The following PTBP2 variants were observed in gnomAD, a reference collection of about 807,000 sequenced individuals.
The protein encoded by PTBP2 is polypyrimidine tract binding protein 2, also known as polypyrimidine tract-binding protein 2.
Under a neutral mutation model 61.4 loss-of-function variants are expected in PTBP2, and 13 were observed. The observed-to-expected ratio is 0.21, with a 90% confidence interval of 0.14 to 0.34. The LOEUF (loss-of-function observed/expected upper bound fraction) is 0.34. Ranked by LOEUF, PTBP2 falls within the 10% of genes least tolerant of loss-of-function variation. The pLI is 1.00. For synonymous variants in PTBP2, 215 were observed against 218.5 expected, an observed-to-expected ratio of 0.98 and a Z score of 0.14; for missense variants, 405 against 642.6, an observed-to-expected ratio of 0.63 and a Z score of 4.00.
At chr1:96,740,676 A>G (rs183873809) in intron 2 of PTBP2, among the ~76,000 whole-genome samples, 176 of 152,178 alleles carry the variant, frequency 1.2e-3, no homozygotes, top group Middle Eastern at 3.4e-3. Flanking sequence ...ATGTATTTTT[A>G]TCTTAAGCAA....
intron 5 of PTBP2, among the ~76,000 whole-genome samples, chr1:96,775,304 A>C (rs1657907617): frequency 6.6e-6 from 1 of 152,226 alleles, no homozygotes; most frequent in African/African-American, 2.4e-5. Context: ...ATACCTGAGA[A>C]CATGTACATA....
At chr1:96,794,396 C>T (rs1306531923) in intron 8 of PTBP2, among the ~76,000 whole-genome samples, 1 of 152,132 alleles carries the variant, frequency 6.6e-6, no homozygotes, top group East Asian at 1.9e-4. Flanking sequence ...GTTGCTTCTG[C>T]ATTTAGTAGA....
downstream of PTBP2, chr1:96,817,505 TTAAAGTTA>T (rs1379464991): frequency 5.3e-5 from 8 of 151,696 alleles, no homozygotes; most frequent in East Asian, 7.7e-4. Flanking sequence ...AGTGTACATG[TTAAAGTTA>T]TAGAGTATTA....
chr1:96,802,985 T>A (rs1159615697), intron 8 of PTBP2, among the ~76,000 whole-genome samples: 2 of 152,140 alleles, frequency 1.3e-5, no homozygotes, highest in Admixed American at 6.5e-5. Flanking sequence ...AAAATTGTTG[T>A]GTGTAGGAAT....
At chr1:96,730,822 G>A (rs1306115220) in intron 2 of PTBP2, among the ~76,000 whole-genome samples, 1 of 152,210 alleles carries the variant, frequency 6.6e-6, no homozygotes, top group African/African-American at 2.4e-5. Flanking sequence ...ACACTCAAGG[G>A]AGTATAAGCT....
intron 2 of PTBP2, among the ~76,000 whole-genome samples, chr1:96,741,916 C>T (rs947857252): frequency 1.3e-5 from 2 of 152,152 alleles, no homozygotes; most frequent in East Asian, 1.9e-4. Flanking sequence ...ATTCACAGAA[C>T]CATTTCTGTG....
At chr1:96,767,701 T>G (rs1656893260) in intron 3 of PTBP2, among the ~76,000 whole-genome samples, 1 of 152,154 alleles carries the variant, frequency 6.6e-6, no homozygotes, top group South Asian at 2.1e-4. Context: ...GTGCTTTAGC[T>G]TACATTTTCA....
chr1:96,760,553 C>A (rs1413828864), intron 3 of PTBP2, among the ~76,000 whole-genome samples: 1 of 143,820 alleles, frequency 7.0e-6, no homozygotes, highest in Non-Finnish European at 1.5e-5. Flanking sequence ...TCAAGCGATT[C>A]TCCTGCCTCA....
At chr1:96,779,150 C>T (rs1042194525) in intron 7 of PTBP2, among the ~76,000 whole-genome samples, 15 of 152,060 alleles carry the variant, frequency 9.9e-5, no homozygotes, top group African/African-American at 2.7e-4. Context: ...CTGTGCTTTC[C>T]GCTTCAGGCA....
intron 2 of PTBP2, among the ~76,000 whole-genome samples, chr1:96,737,768 A>G (rs1228165910): frequency 6.6e-6 from 1 of 152,230 alleles, no homozygotes; most frequent in Admixed American, 6.5e-5. Context: ...AAGGATTTGC[A>G]GTGAGGACCT....
At chr1:96,732,863 C>T (rs1279139851) in intron 2 of PTBP2, among the ~76,000 whole-genome samples, 3 of 152,010 alleles carry the variant, frequency 2.0e-5, no homozygotes, top group Non-Finnish European at 4.4e-5. Context: ...TGGCTAACAG[C>T]TTGTATATGG....
At chr1:96,795,282 A>G (rs964768019) in intron 8 of PTBP2, among the ~76,000 whole-genome samples, 10 of 152,216 alleles carry the variant, frequency 6.6e-5, no homozygotes, top group African/African-American at 2.4e-4. Flanking sequence ...AATCTAAGCT[A>G]GGAACGTAAA....
intron 11 of PTBP2, 74 bp from the exon 12 acceptor site, chr1:96,812,638 C>A (rs564759000): frequency 2.5e-6 from 3 of 1,189,482 alleles, no homozygotes; most frequent in Non-Finnish European, 3.5e-6. Flanking sequence ...AATTTTTAAA[C>A]TGTTACGTTA....
chr1:96,737,715 TA>T (rs1553172715), intron 2 of PTBP2, among the ~76,000 whole-genome samples: 1 of 152,204 alleles, frequency 6.6e-6, no homozygotes, highest in Non-Finnish European at 1.5e-5. Context: ...AGACAAAATT[TA>T]AAAAGTAGTT....
chr1:96,731,631 TC>T (rs1651430491), intron 2 of PTBP2, among the ~76,000 whole-genome samples: 1 of 152,170 alleles, frequency 6.6e-6, no homozygotes, highest in Non-Finnish European at 1.5e-5. Flanking sequence ...ATTTAGAATA[TC>T]CAAGTTTTTA....
chr1:96,726,896 T>A (rs1259991102), intron 2 of PTBP2, among the ~76,000 whole-genome samples: 1 of 151,858 alleles, frequency 6.6e-6, no homozygotes, highest in African/African-American at 2.4e-5. Flanking sequence ...ATCTTGCCTT[T>A]AAAAAAAATA....
At chr1:96,773,142 A>G (rs1424136742) in intron 5 of PTBP2, among the ~76,000 whole-genome samples, 1 of 135,084 alleles carries the variant, frequency 7.4e-6, no homozygotes, top group Admixed American at 7.6e-5. Flanking sequence ...AAAAAAAAAA[A>G]AAAAGAGTAA....
chr1:96,740,368 A>C (rs910090118), intron 2 of PTBP2, among the ~76,000 whole-genome samples: 1 of 152,078 alleles, frequency 6.6e-6, no homozygotes, highest in African/African-American at 2.4e-5. Context: ...TTGTGAGCAC[A>C]CTTTGGGGGA....
At chr1:96,771,696 C>T (rs1438795356) in intron 5 of PTBP2, among the ~76,000 whole-genome samples, 1 of 151,994 alleles carries the variant, frequency 6.6e-6, no homozygotes, top group Non-Finnish European at 1.5e-5. Flanking sequence ...AAAATATCTG[C>T]TCTTCTTTCT....
Sources: allele counts gnomAD v4.1 joint callset (sites outside exome capture counted in the v4.1 genomes callset), GRCh38; gene constraint gnomAD v4.1.1; transcripts MANE v1.5; gene names NCBI Gene and HGNC (gene_info 2026-07-23, HGNC 2026-07-21).